Variants in ROBO2 observed in about 807,000 individuals in gnomAD.
ROBO2 encodes roundabout guidance receptor 2, also known as roundabout homolog 2.
A neutral mutation model predicts 160.8 loss-of-function variants in ROBO2; 53 were observed. That is an observed-to-expected ratio of 0.33 (90% CI 0.26 to 0.41). The LOEUF (loss-of-function observed/expected upper bound fraction) is 0.41, where lower values mean the gene tolerates loss of function less well. Among genes scored for constraint, ROBO2 ranks in the 10% least tolerant of loss-of-function variants. The pLI is 1.00. For synonymous variants in ROBO2, 664 were observed against 611.7 expected, an observed-to-expected ratio of 1.09 and a Z score of -1.26; for missense variants, 1,577 against 1,722.4, an observed-to-expected ratio of 0.92 and a Z score of 1.49.
At chr3:77,324,650 A>T (rs969441121) in intron 2 of ROBO2, among the ~76,000 whole-genome samples, 1 of 122,112 alleles carries the variant, frequency 8.2e-6, no homozygotes, top group East Asian at 2.4e-4. Context: ...TGCAGTGGTG[A>T]GCGCCTGTAG....
In ROBO2 at chr3:76,272,680, A is replaced by AAT. The variant is rs796415773; in HGVS notation, c.109+335091_109+335092dup. 3.8e-5 allele frequency among the ~76,000 whole-genome samples: 5 copies of AAT among 133,108 alleles called. 1 individual carries two copies. The highest frequency in any genetic ancestry group is 2.0e-4 in the East Asian group (1 of 4,884). The allele number at this position is 133,108 out of a possible 152,430, so 87.3% of individuals were successfully genotyped here. On this transcript the variant is annotated intron_variant, in intron 2 of 26. Transcript: ENST00000487694. ...CCTGTCTAAAATACATACACATATA[A>AAT]ATATATATATATATTCTATATATAT...
intron 2 of ROBO2, among the ~76,000 whole-genome samples, chr3:76,737,224 G>A (rs924826027): frequency 3.3e-5 from 5 of 151,772 alleles, no homozygotes; most frequent in African/African-American, 1.2e-4. Context: ...TATTATTCAT[G>A]TTTGCATTAT....
intron 2 of ROBO2, among the ~76,000 whole-genome samples, chr3:76,681,300 T>C (rs549931862): frequency 1.3e-5 from 2 of 152,258 alleles, no homozygotes; most frequent in South Asian, 4.1e-4. Flanking sequence ...ACCATGTTGA[T>C]GAATGAAGAG....
intron 16 of ROBO2, among the ~76,000 whole-genome samples, chr3:77,583,246 C>T (rs1016312647): frequency 9.9e-5 from 15 of 151,586 alleles, no homozygotes; most frequent in African/African-American, 2.7e-4. Flanking sequence ...TGCTGTTCAG[C>T]AATGTTTGGG....
intron 2 of ROBO2, among the ~76,000 whole-genome samples, chr3:76,854,063 T>A (rs1354654777): frequency 1.2e-5 from 1 of 84,058 alleles, no homozygotes; most frequent in Non-Finnish European, 2.6e-5. Flanking sequence ...TCTCTCTCTC[T>A]CTCTTTCTCT....
chr3:77,447,644 G>T (rs2080684304), intron 2 of ROBO2, among the ~76,000 whole-genome samples: 1 of 152,042 alleles, frequency 6.6e-6, no homozygotes, highest in Admixed American at 6.6e-5. Context: ...TATAAGTTCT[G>T]CAGGAGCATC....
chr3:76,110,552 T>A (rs921872871), intron 2 of ROBO2, among the ~76,000 whole-genome samples: 2 of 152,254 alleles, frequency 1.3e-5, no homozygotes, highest in East Asian at 3.9e-4. Flanking sequence ...ATGGCACTGA[T>A]GTTTTAGAGT....
chr3:75,934,086 G>A (rs1333445479), intron 1 of ROBO2, among the ~76,000 whole-genome samples: 3 of 152,134 alleles, frequency 2.0e-5, no homozygotes, highest in Non-Finnish European at 2.9e-5. Flanking sequence ...AGTAATACGC[G>A]AACATTCTTA....
chr3:77,457,592 A>G (rs1014511435), intron 2 of ROBO2, among the ~76,000 whole-genome samples: 3 of 152,132 alleles, frequency 2.0e-5, no homozygotes, highest in Non-Finnish European at 4.4e-5. Flanking sequence ...CTTGCTTCCC[A>G]TACAACAGGG....
At chr3:76,534,456 A>G (rs892673284) in intron 2 of ROBO2, among the ~76,000 whole-genome samples, 1 of 152,110 alleles carries the variant, frequency 6.6e-6, no homozygotes, top group African/African-American at 2.4e-5. Flanking sequence ...CCAGTGATCT[A>G]TTATATTACC....
At chr3:76,948,557 T>C (rs985456992) in intron 2 of ROBO2, among the ~76,000 whole-genome samples, 4 of 150,340 alleles carry the variant, frequency 2.7e-5, no homozygotes, top group East Asian at 3.9e-4. Flanking sequence ...CACCTCTCCA[T>C]TGGGGCTATA....
chr3:76,133,933 G>A (rs952126168), intron 2 of ROBO2, among the ~76,000 whole-genome samples: 2 of 151,846 alleles, frequency 1.3e-5, no homozygotes, highest in Non-Finnish European at 2.9e-5. Flanking sequence ...GCATCCTTCA[G>A]TCCAATCAAG....
intron 2 of ROBO2, among the ~76,000 whole-genome samples, chr3:76,216,130 A>C (rs1703508030): frequency 1.3e-5 from 2 of 152,248 alleles, no homozygotes; most frequent in African/African-American, 4.8e-5. Context: ...TGTCACCACC[A>C]GGCCTGCCCT....
In ROBO2 at chr3:77,201,349, T is replaced by G. The variant is rs937755873; in HGVS notation, c.388+103009T>G. Reference sequence around the variant, plus strand: ...TATAAATGTTATAGGATAATGTAAGTGGAAAATCTTTCCAGAAAGCAGCAA... The same window carrying G: ...TATAAATGTTATAGGATAATGTAAGGGGAAAATCTTTCCAGAAAGCAGCAA... On this transcript the variant is annotated intron_variant, in intron 2 of 25. Coordinates refer to ENST00000461745, the Ensembl canonical transcript of ROBO2. Among the ~76,000 whole-genome samples, 10 of 152,204 alleles carry G rather than the reference T, an allele frequency of 6.6e-5. No individual in the cohort carries two copies. In the East Asian group the frequency reaches 1.9e-3, roughly 29 times the overall value.
At chr3:76,053,642 A>G (rs1353070949) in intron 2 of ROBO2, among the ~76,000 whole-genome samples, 3 of 152,226 alleles carry the variant, frequency 2.0e-5, no homozygotes, top group Non-Finnish European at 4.4e-5. Flanking sequence ...AGGATGCACT[A>G]GGAAAATAGT....
intron 2 of ROBO2, among the ~76,000 whole-genome samples, chr3:76,672,550 A>C (rs1575854939): frequency 6.6e-6 from 1 of 152,320 alleles, no homozygotes; most frequent in Middle Eastern, 3.4e-3. Flanking sequence ...GAGAAACATA[A>C]GTAAAAATAA....
At chr3:76,498,773 C>T (rs987872695) in intron 2 of ROBO2, among the ~76,000 whole-genome samples, 6 of 150,802 alleles carry the variant, frequency 4.0e-5, no homozygotes, top group Admixed American at 2.0e-4. Context: ...ACTTCCGCCT[C>T]CAGGATTCAG....
At chr3:77,065,109 A>G (rs752583583) in intron 1 of ROBO2, among the ~76,000 whole-genome samples, 13 of 152,194 alleles carry the variant, frequency 8.5e-5, no homozygotes, top group African/African-American at 3.1e-4. Flanking sequence ...ATCAGAGGGA[A>G]CTGCATATAA....
chr3:76,986,219 G>C (rs72902037), intron 2 of ROBO2, among the ~76,000 whole-genome samples: 136 of 152,098 alleles, frequency 8.9e-4, no homozygotes, highest in African/African-American at 3.1e-3. Flanking sequence ...TATATAGTAC[G>C]CATTGATCGA....
Sources: allele counts gnomAD v4.1 joint callset (sites outside exome capture counted in the v4.1 genomes callset), GRCh38; gene constraint gnomAD v4.1.1; transcripts MANE v1.5; gene names NCBI Gene and HGNC (gene_info 2026-07-23, HGNC 2026-07-21).